The following RNF38 variants were observed in gnomAD, a reference collection of about 807,000 sequenced individuals.
The protein encoded by RNF38 is E3 ubiquitin-protein ligase RNF38.
A neutral mutation model predicts 67.2 loss-of-function variants in RNF38; 15 were observed. The observed-to-expected ratio is 0.22, with a 90% CI of 0.15 to 0.34. The LOEUF (loss-of-function observed/expected upper bound fraction) is 0.34. Among genes scored for constraint, RNF38 ranks in the 10% least tolerant of loss-of-function variants. RNF38 has a pLI of 1.00. For missense variants in RNF38, 524 were observed against 639.9 expected (o/e 0.82, Z 1.95); for synonymous variants, 220 against 218.8 (o/e 1.01, Z -0.05).
At chr9:36,346,354 TG>T (rs1004730725) in intron 9 of RNF38, among the ~76,000 whole-genome samples, 4 of 152,104 alleles carry the variant, frequency 2.6e-5, no homozygotes, top group African/African-American at 9.7e-5. Context: ...GCTAATTTTT[TG>T]TATTTTTTAT....
At chr9:36,419,843 G>A (rs1242708919) in intron 2 of RNF38, among the ~76,000 whole-genome samples, 2 of 151,984 alleles carry the variant, frequency 1.3e-5, no homozygotes, top group African/African-American at 2.4e-5. Context: ...CAAAAAACTC[G>A]CACAGAATTC....
At chr9:36,373,236 G>A (rs1835522698) in intron 3 of RNF38, among the ~76,000 whole-genome samples, 1 of 152,126 alleles carries the variant, frequency 6.6e-6, no homozygotes, top group Non-Finnish European at 1.5e-5. Flanking sequence ...ACTGGGCATA[G>A]CTACTAGCCA....
intron 2 of RNF38, among the ~76,000 whole-genome samples, chr9:36,414,084 T>A (rs553429437): frequency 6.6e-6 from 1 of 152,310 alleles, no homozygotes; most frequent in African/African-American, 2.4e-5. Flanking sequence ...TTCATGTCCA[T>A]TTGCATGGAA....
chr9:36,416,740 A>ATTTTTTTTTTTTTTTTTTTTTTT (rs1491451376), intron 2 of RNF38, among the ~76,000 whole-genome samples: 1 of 73,032 alleles, frequency 1.4e-5, no homozygotes, highest in African/African-American at 5.5e-5. Context: ...TGCTGCCTCG[A>ATTTTTTTTTTTTTTTTTTTTTTT]TATTTTTTTT....
rs141163713 is a variant in RNF38 at position 36,416,954 on chromosome 9, G to A, written n.312+7659C>T. Among the ~76,000 whole-genome samples the A allele has an allele frequency of 4.6e-3, 701 of 152,064 alleles. 5 individuals are homozygous for A. Among genetic ancestry groups the A allele is most frequent in the Middle Eastern group, 0.02 (6 of 294 alleles). On this transcript the variant is annotated intron_variant and non_coding_transcript_variant, in intron 2 of 3. Transcript: ENST00000488058. ...TTTAGTAGAGATAGGATTTCGCCACGTTAGCCAGGCTGGTCTCGAACTCCT... is the reference window on the plus strand; with the variant it reads ...TTTAGTAGAGATAGGATTTCGCCACATTAGCCAGGCTGGTCTCGAACTCCT...
chr9:36,459,869 G>A (rs1839685820), intron 1 of RNF38, among the ~76,000 whole-genome samples: 1 of 151,636 alleles, frequency 6.6e-6, no homozygotes, highest in South Asian at 2.1e-4. Flanking sequence ...ATTGAGTCAA[G>A]AAATCTGTGC....
chr9:36,409,603 T>C (rs1357094468), intron 2 of RNF38, among the ~76,000 whole-genome samples: 1 of 152,222 alleles, frequency 6.6e-6, no homozygotes, highest in East Asian at 1.9e-4. Flanking sequence ...GTACAGTCAA[T>C]AACTTGCTCT....
intron 1 of RNF38, among the ~76,000 whole-genome samples, chr9:36,435,623 GTT>G (rs777322436): frequency 2.8e-5 from 4 of 141,780 alleles, no homozygotes; most frequent in African/African-American, 2.6e-5. Context: ...GTGAATGGAG[GTT>G]TTTTTTTTTT....
At chr9:36,487,272 G>A in intron 1 of RNF38, 3 of 983,438 alleles carry the variant, frequency 3.1e-6, no homozygotes, top group Non-Finnish European at 3.6e-6. Context: ...ACCGACCCAC[G>A]CCCCTCCCTG....
At chr9:36,402,014 C>T (rs911422977), upstream of RNF38, among the ~76,000 whole-genome samples, 2 of 152,148 alleles carry the variant, frequency 1.3e-5, no homozygotes, top group East Asian at 1.9e-4. Context: ...ATGAACAACA[C>T]TATATGGTAA....
upstream of RNF38, chr9:36,401,313 C>G (rs1433922797): frequency 1.1e-5 from 8 of 743,154 alleles, no homozygotes; most frequent in East Asian, 4.0e-4. Flanking sequence ...AGCCCGCCCC[C>G]CGCTGCCCTG....
Position 36,440,595 on chromosome 9 carries a change from T to C in RNF38, n.242-15912A>G, listed in dbSNP as rs570704184. 9.4e-4 allele frequency among the ~76,000 whole-genome samples: 142 copies of C among 151,324 alleles called. 6 individuals carry two copies. The South Asian group carries it at 0.029, about 31-fold the overall frequency. The stretch of plus-strand genomic sequence containing the variant: ...CTGACATGGAAAAGTTACCAAAATA[T>C]ACTGTTAAGTGGAAAAAAAAAGCAA... On this transcript the variant is annotated intron_variant and non_coding_transcript_variant, in intron 1 of 3. Coordinates refer to the RNF38 transcript ENST00000488058.
chr9:36,358,104 G>A (rs1834263050), intron 4 of RNF38, among the ~76,000 whole-genome samples, 162 bp from the exon 5 acceptor site: 1 of 152,232 alleles, frequency 6.6e-6, no homozygotes, highest in East Asian at 1.9e-4. Context: ...TCTTTGTAGG[G>A]GAGAGTTGAC....
intron 5 of RNF38, among the ~76,000 whole-genome samples, chr9:36,356,789 T>C (rs1439147400): frequency 6.6e-6 from 1 of 151,974 alleles, no homozygotes. Context: ...GAGGAAACTC[T>C]CTCTAGTTGG....
At position 36,375,914 on chromosome 9, in the gene RNF38, A is replaced by G. The variant is rs772630571; in HGVS notation, c.356+20T>C. 8 of 1,579,356 alleles carry G rather than the reference A, an allele frequency of 5.1e-6. No homozygotes were observed. The African/African-American group carries it at 1.1e-4, about 22-fold the overall frequency. On this transcript the variant is annotated intron_variant, in intron 3 of 11. Coordinates refer to ENST00000259605, the MANE Select transcript of RNF38 (RefSeq NM_022781.5). ...CTACCAATGGAAGAAAACTTAAGAA[A>G]TAAATTGTAATCAACTAACCTTCTT...
chr9:36,422,192 C>T (rs767611404), intron 2 of RNF38, among the ~76,000 whole-genome samples: 1 of 151,992 alleles, frequency 6.6e-6, no homozygotes, highest in Non-Finnish European at 1.5e-5. Context: ...GATCTTGCCA[C>T]TGCACTCCAG....
intron 1 of RNF38, among the ~76,000 whole-genome samples, chr9:36,476,519 C>CTT (rs67780076): frequency 0.016 from 1,521 of 94,076 alleles, 55 homozygotes; most frequent in African/African-American, 0.055. Context: ...ATCGGGCAAT[C>CTT]TTTTTTTTTT....
chr9:36,439,405 A>G (rs957138716), intron 1 of RNF38, among the ~76,000 whole-genome samples: 9 of 152,166 alleles, frequency 5.9e-5, no homozygotes, highest in African/African-American at 2.2e-4. Flanking sequence ...TTACCTTCAA[A>G]GAGGTGTGAC....
At chr9:36,377,783 T>C (rs1835893356) in intron 2 of RNF38, among the ~76,000 whole-genome samples, 1 of 152,182 alleles carries the variant, frequency 6.6e-6, no homozygotes, top group Non-Finnish European at 1.5e-5. Flanking sequence ...CTTAATAATA[T>C]CAACACAATA....
Sources: allele counts gnomAD v4.1 joint callset (sites outside exome capture counted in the v4.1 genomes callset), GRCh38; gene constraint gnomAD v4.1.1; transcripts MANE v1.5; gene names NCBI Gene and HGNC (gene_info 2026-07-23, HGNC 2026-07-21).